ERG: variants seen among roughly 807,000 people sequenced by gnomAD.
ERG encodes the protein transcriptional regulator ERG.
ERG carries 9 observed loss-of-function variants against 55.3 expected under a neutral mutation model. The observed-to-expected ratio is 0.16, with a 90% CI of 0.10 to 0.28. The LOEUF (loss-of-function observed/expected upper bound fraction) is 0.28. Among genes scored for constraint, ERG ranks in the 10% least tolerant of loss-of-function variants. The pLI, the probability that ERG is intolerant of heterozygous loss-of-function variation, is 1.00. For missense variants in ERG, 434 were observed against 631.6 expected, an observed-to-expected ratio of 0.69 and a Z score of 3.35; for synonymous variants, 223 against 237.3, an observed-to-expected ratio of 0.94 and a Z score of 0.55.
At chr21:38,372,113 TCAAA>T in the ERG span, among the ~76,000 whole-genome samples, 1 of 152,178 alleles carries the variant, frequency 6.6e-6, no homozygotes, top group Non-Finnish European at 1.5e-5. Flanking sequence ...AATATACTTT[TCAAA>T]CAAATAGGCA....
intron 1 of ERG, among the ~76,000 whole-genome samples, chr21:38,616,952 T>C (rs2060262692): frequency 6.6e-6 from 1 of 152,242 alleles, no homozygotes; most frequent in Non-Finnish European, 1.5e-5. Flanking sequence ...AATAATGTGA[T>C]ATAACTCTTA....
intron 2 of ERG, among the ~76,000 whole-genome samples, chr21:38,545,687 C>G (rs1003434468): frequency 6.6e-6 from 1 of 152,224 alleles, no homozygotes; most frequent in Non-Finnish European, 1.5e-5. Context: ...ATGATAGAGA[C>G]CATCAACATG....
Position 38,430,376 on chromosome 21 carries a change from A to G in ERG, c.237-6815T>C, listed in dbSNP as rs144933340. Among the ~76,000 whole-genome samples the G allele has an allele frequency of 3.8e-3, 575 of 152,256 alleles. 5 individuals carry two copies. The highest frequency in any genetic ancestry group is 0.013 in the African/African-American group (543 of 41,552). ...CACTCTGTGGGTTGTCTGTTTGCTGATTATTTCTTTTGCTGTGAAGAAAGT... is the reference window on the plus strand; with the variant it reads ...CACTCTGTGGGTTGTCTGTTTGCTGGTTATTTCTTTTGCTGTGAAGAAAGT... On this transcript the variant is annotated intron_variant, in intron 2 of 9. Coordinates refer to ENST00000288319, the MANE Select transcript of ERG (RefSeq NM_182918.4).
intron 2 of ERG, among the ~76,000 whole-genome samples, chr21:38,518,165 C>T (rs2059565964): frequency 6.6e-6 from 1 of 152,076 alleles, no homozygotes. Flanking sequence ...CCCCAAAACC[C>T]TGACTTGATC....
intron 1 of ERG, among the ~76,000 whole-genome samples, chr21:38,446,118 C>G (rs898735918): frequency 2.7e-5 from 4 of 148,958 alleles, no homozygotes; most frequent in African/African-American, 9.9e-5. Context: ...AATGGAGCAC[C>G]AAAGGGCAAC....
rs534772715 is a variant in ERG, at chr21:38,523,436, CCAA to C, written c.-41+52223_-41+52225del. ...TGAGGATTCCAATGAGTATTCATCA[CCAA>C]CATCTCCCCGAAAAATATTTAGAAA... On this transcript the variant is annotated intron_variant, in intron 2 of 8. Transcript: ENST00000398897. 5.0e-3 allele frequency among the ~76,000 whole-genome samples: 761 copies of C among 152,292 alleles called. 8 individuals are homozygous for C. Among genetic ancestry groups the C allele is most frequent in the African/African-American group, 0.018 (731 of 41,564 alleles).
At chr21:38,431,215 C>T (rs964154338) in intron 2 of ERG, among the ~76,000 whole-genome samples, 14 of 152,268 alleles carry the variant, frequency 9.2e-5, no homozygotes, top group Middle Eastern at 6.8e-3. Flanking sequence ...AAGGCAGACA[C>T]GTTGCTAAGC....
chr21:38,552,447 A>G (rs2059830385), intron 2 of ERG, among the ~76,000 whole-genome samples: 3 of 152,192 alleles, frequency 2.0e-5, no homozygotes, highest in South Asian at 4.1e-4. Flanking sequence ...AAATACCAGT[A>G]AACCAAATCC....
chr21:38,492,337 C>T (rs1341917896), intron 1 of ERG, among the ~76,000 whole-genome samples: 3 of 152,206 alleles, frequency 2.0e-5, no homozygotes. Flanking sequence ...CAAGATACTA[C>T]AGCTACATTT....
chr21:38,429,729 A>ATG (rs1267159042), intron 2 of ERG, among the ~76,000 whole-genome samples: 3 of 99,682 alleles, frequency 3.0e-5, no homozygotes, highest in Admixed American at 1.1e-4. Flanking sequence ...GTCTATATAT[A>ATG]TGTGTGTATA....
At chr21:38,434,558 T>TGTTGGCCAGGCTGGTCTC in intron 2 of ERG, among the ~76,000 whole-genome samples, 1 of 152,370 alleles carries the variant, frequency 6.6e-6, no homozygotes, top group African/African-American at 2.4e-5. Flanking sequence ...CATTTATGAA[T>TGTTGGCCAGGCTGGTCTC]GAATCTTCCA....
At chr21:38,387,206 G>A (rs1489576478) in intron 9 of ERG, among the ~76,000 whole-genome samples, 1 of 152,242 alleles carries the variant, frequency 6.6e-6, no homozygotes, top group Non-Finnish European at 1.5e-5. Context: ...AACAAGGGCA[G>A]TAAATACAGC....
chr21:38,635,272 T>TA (rs2060381239), intron 1 of ERG, among the ~76,000 whole-genome samples: 1 of 152,116 alleles, frequency 6.6e-6, no homozygotes, highest in African/African-American at 2.4e-5. Context: ...GTGAGCCTAC[T>TA]ATAATAGTAT....
intron 2 of ERG, among the ~76,000 whole-genome samples, chr21:38,533,174 G>A (rs1381400699): frequency 1.3e-5 from 2 of 152,216 alleles, no homozygotes; most frequent in African/African-American, 4.8e-5. Context: ...ATCTGTCTCA[G>A]TTATTTGAAC....
At chr21:38,584,569 A>G (rs760611146) in intron 1 of ERG, among the ~76,000 whole-genome samples, 55 of 152,226 alleles carry the variant, frequency 3.6e-4, no homozygotes, top group Non-Finnish European at 6.2e-4. Context: ...TGTGAAGACT[A>G]TAGAACTGAG....
intron 2 of ERG, among the ~76,000 whole-genome samples, chr21:38,549,394 T>TA (rs2059809437): frequency 6.6e-6 from 1 of 151,508 alleles, no homozygotes; most frequent in African/African-American, 2.4e-5. Flanking sequence ...TCTAAACAGC[T>TA]AGTTATCTTA....
rs778604904 is a variant in ERG at position 38,403,606 on chromosome 21, A to G, written c.492T>C (p.Asp164=). ...TGGTCATCTTGCACAGTTCCTTCCC[A>G]TCGATGTTCTGGAATAACAAGATGT... is the stretch of plus-strand genomic sequence containing the variant. ...DVNILLFQNI[D]GKELCKMTKD... Residue 164 remains aspartate (D), a synonymous_variant, in exon 4 of 10, where the codon GAT becomes GAC. Coordinates refer to ENST00000288319, the MANE Select transcript of ERG (RefSeq NM_182918.4). 2.8e-5 allele frequency: 45 copies of G among 1,614,026 alleles called. No homozygotes were observed. The highest frequency in any genetic ancestry group is 2.0e-4 in the South Asian group (18 of 91,086).
intron 1 of ERG, among the ~76,000 whole-genome samples, chr21:38,615,662 T>C (rs1858549979): frequency 6.7e-6 from 1 of 150,346 alleles, no homozygotes; most frequent in South Asian, 2.1e-4. Context: ...GAATAAATGA[T>C]AGCTGACAAT....
At chr21:38,393,672 T>C (rs1468424591) in intron 6 of ERG, among the ~76,000 whole-genome samples, 1 of 152,234 alleles carries the variant, frequency 6.6e-6, no homozygotes, top group African/African-American at 2.4e-5. Flanking sequence ...GCAGAAGATG[T>C]GTCTCTTCCT....
Sources: allele counts gnomAD v4.1 joint callset (sites outside exome capture counted in the v4.1 genomes callset), GRCh38; gene constraint gnomAD v4.1.1; transcripts MANE v1.5; gene names NCBI Gene and HGNC (gene_info 2026-07-23, HGNC 2026-07-21).